RFX6: variants seen among roughly 807,000 people sequenced by gnomAD.
The protein encoded by RFX6 is regulatory factor X6, also known as DNA-binding protein RFX6.
A neutral mutation model predicts 110.8 loss-of-function variants in RFX6; 50 were observed. The ratio of observed to expected loss-of-function variants is 0.45; its 90% CI spans 0.36 to 0.57. The LOEUF is 0.57. Ranked by LOEUF, RFX6 falls within the 20% of genes least tolerant of loss-of-function variation. The probability of loss-of-function intolerance (pLI) is 0.00; values close to 1 mark genes in which losing one functional copy is unlikely to be tolerated. For synonymous variants in RFX6, 383 were observed against 411.2 expected (o/e 0.93, Z 0.83); for missense variants, 990 against 1,127.0 (o/e 0.88, Z 1.74).
At chr6:116,904,447 A>C (rs1440188158) in intron 6 of RFX6, among the ~76,000 whole-genome samples, 2 of 152,118 alleles carry the variant, frequency 1.3e-5, no homozygotes, top group African/African-American at 2.4e-5. Context: ...TTACTTTGAA[A>C]GCATAAAGTT....
intron 6 of RFX6, among the ~76,000 whole-genome samples, chr6:116,899,108 T>A (rs1166248457): frequency 6.6e-6 from 1 of 151,898 alleles, no homozygotes; most frequent in Non-Finnish European, 1.5e-5. Context: ...TTAAATGGCA[T>A]GAGCCAGAAG....
In RFX6 at chr6:116,927,162, C is replaced by T. The variant is rs775365826; in HGVS notation, c.2021C>T (p.Ala674Val). The T allele has an allele frequency of 3.1e-6, 5 of 1,614,170 alleles. No individual in the cohort carries two copies. Among genetic ancestry groups the T allele is most frequent in the Admixed American group, 3.3e-5 (2 of 60,010 alleles). ...CCAAGTGTGGGCCCAGTACTGTCAG[C>T]TCCATCACACTGCTCCACATACCCA... Reference protein sequence around the residue: ...RPPSVGPVLSAPSHCSTYPEP... With the variant: ...RPPSVGPVLSVPSHCSTYPEP... Residue 674 changes from alanine (A) to valine (V), a missense_variant, in exon 17 of 19, where the codon GCT (alanine) becomes GTT (valine). By Grantham distance (64) the Ala-to-Val change is moderately conservative. Coordinates refer to ENST00000332958, the MANE Select transcript of RFX6 (RefSeq NM_173560.4).
intron 10 of RFX6, among the ~76,000 whole-genome samples, chr6:116,918,440 T>C (rs1052536083): frequency 6.6e-6 from 1 of 152,050 alleles, no homozygotes; most frequent in African/African-American, 2.4e-5. Flanking sequence ...TATTGTATTT[T>C]ATTATTAACT....
chr6:116,905,696 C>T (rs915661824), intron 6 of RFX6, among the ~76,000 whole-genome samples: 1 of 151,854 alleles, frequency 6.6e-6, no homozygotes, highest in Non-Finnish European at 1.5e-5. Context: ...GGACTGCAGG[C>T]GTGTGCCACC....
At chr6:116,905,643 C>T (rs2114683075) in intron 6 of RFX6, among the ~76,000 whole-genome samples, 1 of 151,616 alleles carries the variant, frequency 6.6e-6, no homozygotes, top group East Asian at 1.9e-4. Flanking sequence ...ACCTCTGCCT[C>T]CCGTGTTCAA....
In RFX6 at chr6:116,882,483, A is replaced by G. The variant is rs998740283; in HGVS notation, c.566+55A>G. On this transcript the variant is annotated intron_variant, in intron 4 of 18. Coordinates refer to ENST00000332958, the MANE Select transcript of RFX6 (RefSeq NM_173560.4). ...TGCTCTTGTGCATGAAGATTGACAC[A>G]GATGTAAAATAAGTATTGTCTTTGT... 8 of 1,249,978 alleles carry G rather than the reference A, an allele frequency of 6.4e-6. No individual in the cohort carries two copies. The Admixed American group carries it at 6.7e-5, about 11-fold the overall frequency. The allele number at this position is 1,249,978 out of a possible 1,614,324, so 77.4% of individuals were successfully genotyped here. A position where few individuals can be genotyped will look rare whatever the true frequency, so the allele number is the denominator to read the frequency against.
chr6:116,888,203 A>G (rs1278304203), intron 4 of RFX6, among the ~76,000 whole-genome samples: 1 of 152,226 alleles, frequency 6.6e-6, no homozygotes, highest in Non-Finnish European at 1.5e-5. Flanking sequence ...GGAATTCTAT[A>G]TAAAGACTGA....
intron 2 of RFX6, among the ~76,000 whole-genome samples, chr6:116,878,503 G>A (rs571873760): frequency 6.6e-6 from 1 of 151,902 alleles, no homozygotes; most frequent in African/African-American, 2.4e-5. Flanking sequence ...TATCATATAT[G>A]ATTTATAATA....
intron 2 of RFX6, 57 bp from the exon 3 acceptor site, chr6:116,880,486 GA>G: frequency 1.3e-6 from 2 of 1,533,990 alleles, no homozygotes; most frequent in Non-Finnish European, 1.8e-6. Context: ...AAGTCAATGA[GA>G]AAGTTGAAGG....
At chr6:116,908,606 T>C (rs1394775813) in intron 6 of RFX6, among the ~76,000 whole-genome samples, 1 of 151,780 alleles carries the variant, frequency 6.6e-6, no homozygotes, top group African/African-American at 2.4e-5. Flanking sequence ...AAGTAAGACA[T>C]TTGCTGTGGG....
At chr6:116,899,867 T>G (rs1775028749) in intron 6 of RFX6, among the ~76,000 whole-genome samples, 1 of 152,070 alleles carries the variant, frequency 6.6e-6, no homozygotes, top group Non-Finnish European at 1.5e-5. Flanking sequence ...ATGCAAAATT[T>G]GAAGTCAAAG....
intron 7 of RFX6, among the ~76,000 whole-genome samples, chr6:116,914,422 C>A (rs1326534080): frequency 1.3e-5 from 2 of 152,032 alleles, no homozygotes; most frequent in Admixed American, 6.6e-5. Flanking sequence ...ATATTGATTT[C>A]CTTTTTCTGG....
intron 17 of RFX6, 26 bp downstream of exon 17, chr6:116,927,565 T>G (rs748078799): frequency 6.2e-7 from 1 of 1,604,890 alleles, no homozygotes; most frequent in Non-Finnish European, 8.5e-7. Context: ...AGAATTTTTC[T>G]TGGTTTTTGA....
chr6:116,904,445 A>G (rs1392948868), intron 6 of RFX6, among the ~76,000 whole-genome samples: 1 of 152,108 alleles, frequency 6.6e-6, no homozygotes, highest in Non-Finnish European at 1.5e-5. Flanking sequence ...AATTACTTTG[A>G]AAGCATAAAG....
chr6:116,904,498 T>G (rs1183719925), intron 6 of RFX6, among the ~76,000 whole-genome samples: 1 of 152,198 alleles, frequency 6.6e-6, no homozygotes, highest in Non-Finnish European at 1.5e-5. Flanking sequence ...TTTTTGTTCA[T>G]ATTTTTATTG....
chr6:116,919,006 G>T, intron 10 of RFX6, 131 bp from the exon 11 acceptor site: 1 of 757,776 alleles, frequency 1.3e-6, no homozygotes, highest in Non-Finnish European at 2.2e-6. Context: ...ATGATAAATG[G>T]CAGATCTAGG....
intron 6 of RFX6, among the ~76,000 whole-genome samples, chr6:116,909,735 C>CTTTTTTTTTTTTTTTTTTTTTTT (rs59264999): frequency 3.0e-5 from 2 of 67,362 alleles, no homozygotes; most frequent in African/African-American, 1.2e-4. Flanking sequence ...TCATTTAAAT[C>CTTTTTTTTTTTTTTTTTTTTTTT]TTTTTTTTTT....
At chr6:116,903,737 A>G (rs373941961) in intron 6 of RFX6, among the ~76,000 whole-genome samples, 1 of 151,982 alleles carries the variant, frequency 6.6e-6, no homozygotes, top group African/African-American at 2.4e-5. Context: ...TTTTCCTTCA[A>G]TGCTAGGTTT....
chr6:116,911,922 A>G (rs902104467), intron 7 of RFX6, among the ~76,000 whole-genome samples: 7 of 152,208 alleles, frequency 4.6e-5, no homozygotes, highest in Non-Finnish European at 1.0e-4. Context: ...TTATTGGCAT[A>G]TAAGTAGAGA....
Sources: gnomAD v4.1 joint callset for allele counts (sites outside exome capture counted in the v4.1 genomes callset) on GRCh38, gnomAD v4.1.1 for gene constraint, MANE v1.5 for transcripts, NCBI Gene and HGNC (gene_info 2026-07-23, HGNC 2026-07-21) for gene names.